Variants in DMXL1 observed in about 807,000 individuals in gnomAD.
DMXL1 encodes the protein dmX-like protein 1.
Under a neutral mutation model 319.2 loss-of-function variants are expected in DMXL1, and 99 were observed. The observed-to-expected ratio is 0.31, with a 90% CI of 0.26 to 0.37. The LOEUF is 0.37. Ranked by LOEUF, DMXL1 falls within the 10% of genes least tolerant of loss-of-function variation. DMXL1 has a pLI of 1.00. For synonymous variants in DMXL1, 1,385 were observed against 1,235.2 expected, an observed-to-expected ratio of 1.12 and a Z score of -2.54; for missense variants, 3,745 against 3,595.6, an observed-to-expected ratio of 1.04 and a Z score of -1.06.
chr5:119,237,072 A>G (rs1787891786), intron 39 of DMXL1: 1 of 220,372 alleles, frequency 4.5e-6, no homozygotes, highest in Non-Finnish European at 8.9e-6. Context: ...CAGAGAATAT[A>G]TAGACTATGC....
chr5:119,135,135 C>G (rs1161774409), intron 13 of DMXL1, among the ~76,000 whole-genome samples: 1 of 151,922 alleles, frequency 6.6e-6, no homozygotes, highest in Non-Finnish European at 1.5e-5. Flanking sequence ...CAAGGTTTTC[C>G]AAAGCATGTA....
chr5:119,189,304 G>A (rs1390696729), intron 28 of DMXL1, among the ~76,000 whole-genome samples: 1 of 152,068 alleles, frequency 6.6e-6, no homozygotes, highest in African/African-American at 2.4e-5. Flanking sequence ...CATCATTACC[G>A]AAGAATCTCA....
intron 29 of DMXL1, among the ~76,000 whole-genome samples, chr5:119,191,922 A>G (rs1320866700): frequency 1.3e-5 from 2 of 152,194 alleles, no homozygotes; most frequent in African/African-American, 2.4e-5. Flanking sequence ...TCTATGTGTT[A>G]TATGCATGGG....
At chr5:119,108,173 G>A (rs1758768883) in intron 4 of DMXL1, among the ~76,000 whole-genome samples, 1 of 152,044 alleles carries the variant, frequency 6.6e-6, no homozygotes, top group Non-Finnish European at 1.5e-5. Flanking sequence ...GACCAGCCTG[G>A]GCAACATAGC....
intron 40 of DMXL1, 76 bp downstream of exon 40, chr5:119,237,490 A>T (rs927660010): frequency 5.7e-6 from 5 of 875,386 alleles, no homozygotes; most frequent in Non-Finnish European, 5.7e-6. Context: ...TATTTGAGAC[A>T]AGAAATATAG....
chr5:119,239,026 T>C lies in DMXL1; in HGVS notation c.8597T>C (p.Val2866Ala). 6.2e-7 allele frequency: 1 copy of C among 1,613,922 alleles called. No individual in the cohort carries two copies. The highest frequency in any genetic ancestry group is 8.5e-7 in the Non-Finnish European group (1 of 1,179,952). Residue 2866 changes from valine to alanine, a missense_variant, in exon 41 of 44, where the codon GTC (valine) becomes GCC (alanine). This residue lies in a region of DMXL1 where 262 missense variants were observed against 320.5 expected (regional missense o/e 0.82). Transcript: ENST00000539542. ...QCHNKTANDF[V>A]FVSSSSLIAT... ...CATAACAAAACAGCCAATGATTTTG[T>C]CTTCGTTAGTTCCTCCTCTCTGATA...
Position 119,171,234 on chromosome 5 carries a change from C to A in DMXL1, c.6443C>A (p.Ala2148Glu). The A allele has an allele frequency of 6.2e-7, 1 of 1,609,494 alleles. No homozygotes were observed. The highest frequency in any genetic ancestry group is 8.5e-7 in the Non-Finnish European group (1 of 1,177,318). Residue 2148 changes from alanine to glutamate, a missense_variant, in exon 24 of 44, where the codon GCA becomes GAA. By Grantham distance (107) the Ala-to-Glu change is moderately radical. Coordinates refer to ENST00000539542, the MANE Select transcript of DMXL1 (RefSeq NM_001290321.3). ...CATGGATCCCATGGTGGGGGTCTTGCATCTGTAAGAATGGAATTGATTTTG... is the reference window on the plus strand; with the variant it reads ...CATGGATCCCATGGTGGGGGTCTTGAATCTGTAAGAATGGAATTGATTTTG... Reference protein sequence around the residue: ...ILHGSHGGGLASVRMELILLL... With the variant: ...ILHGSHGGGLESVRMELILLL...
intron 41 of DMXL1, 88 bp from the exon 42 acceptor site, chr5:119,240,331 A>G (rs994008788): frequency 2.4e-6 from 2 of 837,080 alleles, no homozygotes; most frequent in South Asian, 3.9e-5. Flanking sequence ...TGTGACAGCA[A>G]GGTTTAAAGG....
rs752744939 is a variant in DMXL1 at position 119,216,885 on chromosome 5, G to T, written c.7927-16G>T. 4 of 1,490,464 alleles carry T rather than the reference G, an allele frequency of 2.7e-6. No individual in the cohort carries two copies. Among genetic ancestry groups the T allele is most frequent in the African/African-American group, 1.4e-5 (1 of 72,228 alleles). The allele number at this position is 1,490,464 out of a possible 1,614,324, so 92.3% of individuals were successfully genotyped here. ...TAAAATCAGTGCATTTTTGTGTTTT[G>T]TTTCCTTTTATTTAGATAGAAGCAG... On this transcript the variant is annotated splice_polypyrimidine_tract_variant and intron_variant, in intron 34 of 43. Transcript: ENST00000539542.
rs995181039 is a variant in DMXL1, at chr5:119,071,094, C to T, written c.-476C>T. On this transcript the variant is annotated 5_prime_UTR_variant, in exon 1 of 44. Coordinates refer to ENST00000539542, the MANE Select transcript of DMXL1 (RefSeq NM_001290321.3). ...TTTCGGCCGCAGGGATCCAGAGGCG[C>T]GTAGTGAGTGGCGGAGGACTGTGGG... The T allele has an allele frequency of 5.9e-6, 1 of 170,446 alleles. No homozygotes were observed. Among genetic ancestry groups the T allele is most frequent in the Non-Finnish European group, 1.3e-5 (1 of 78,760 alleles). The allele number at this position is 170,446 out of a possible 1,614,324, so 10.6% of individuals were successfully genotyped here.
At chr5:119,227,633 G>A (rs1470840740) in intron 38 of DMXL1, among the ~76,000 whole-genome samples, 1 of 151,926 alleles carries the variant, frequency 6.6e-6, no homozygotes, top group Non-Finnish European at 1.5e-5. Context: ...TTTTTTCAAG[G>A]TATCTTATTT....
chr5:119,148,805 C>A lies in DMXL1; in HGVS notation c.2978C>A (p.Ser993Ter). The A allele has an allele frequency of 6.2e-7, 1 of 1,613,536 alleles. No homozygotes were observed. The highest frequency in any genetic ancestry group is 1.1e-5 in the South Asian group (1 of 91,042). ...CCTTATTTATTGGCAACTTCATGTT[C>A]AGATGAGAAAGTAAGATTCTGGAGA... ...SAPYLLATSC[S>*]DEKVRFWRCR... Residue 993 changes from serine (S) to a stop codon, truncating the protein, a stop_gained, in exon 18 of 44, where the codon TCA (serine) becomes TAA (stop). Coordinates refer to ENST00000539542, the MANE Select transcript of DMXL1 (RefSeq NM_001290321.3). LOFTEE classifies it high-confidence loss of function.
At chr5:119,077,480 T>TC (rs1491433192) in intron 1 of DMXL1, among the ~76,000 whole-genome samples, 1 of 50,234 alleles carries the variant, frequency 2.0e-5, no homozygotes, top group Non-Finnish European at 4.1e-5. Context: ...TCATCTTAGG[T>TC]TTTTTTTTTT....
At chr5:119,207,141 T>G (rs996271976) in intron 34 of DMXL1, among the ~76,000 whole-genome samples, 1 of 152,214 alleles carries the variant, frequency 6.6e-6, no homozygotes, top group Non-Finnish European at 1.5e-5. Context: ...CAAATTTTTC[T>G]GAGTAAATAC....
chr5:119,121,236 G>T, intron 9 of DMXL1, 97 bp downstream of exon 9: 2 of 991,538 alleles, frequency 2.0e-6, no homozygotes, highest in Non-Finnish European at 1.4e-6. Flanking sequence ...GTAAAATATT[G>T]GAGGTGACTG....
At chr5:119,188,077 A>G (rs1405292333) in intron 28 of DMXL1, among the ~76,000 whole-genome samples, 1 of 152,224 alleles carries the variant, frequency 6.6e-6, no homozygotes, top group Non-Finnish European at 1.5e-5. Flanking sequence ...TTGTAGTTTC[A>G]AATGTTTCTG....
intron 23 of DMXL1, among the ~76,000 whole-genome samples, chr5:119,168,659 A>G (rs1056092374): frequency 2.6e-5 from 4 of 151,970 alleles, no homozygotes; most frequent in Non-Finnish European, 1.5e-5. Context: ...ACTAGCCTCT[A>G]TGTAATGAAG....
intron 33 of DMXL1, among the ~76,000 whole-genome samples, chr5:119,203,883 C>A (rs551537089): frequency 6.6e-6 from 1 of 152,026 alleles, no homozygotes; most frequent in Non-Finnish European, 1.5e-5. Flanking sequence ...TGCAGTGGTG[C>A]GATCTCAGCT....
intron 13 of DMXL1, among the ~76,000 whole-genome samples, chr5:119,134,879 A>G (rs544203270): frequency 6.6e-5 from 10 of 152,220 alleles, no homozygotes; most frequent in Non-Finnish European, 1.3e-4. Flanking sequence ...TTCTAACTGC[A>G]TTGTCTTGGG....
Sources: allele counts gnomAD v4.1 joint callset (sites outside exome capture counted in the v4.1 genomes callset), GRCh38; gene constraint gnomAD v4.1.1; regional missense constraint gnomAD v4.1.1; transcripts MANE v1.5; gene names NCBI Gene and HGNC (gene_info 2026-07-23, HGNC 2026-07-21).